Variants in RCBTB2 observed in about 807,000 individuals in gnomAD.
RCBTB2 encodes RCC1 and BTB domain containing protein 2, also known as RCC1 and BTB domain-containing protein 2.
In RCBTB2, 55 loss-of-function variants were observed where a neutral mutation model predicts 65.4. The observed-to-expected ratio is 0.84, with a 90% CI of 0.68 to 1.05. RCBTB2 has a LOEUF of 1.05. Among genes scored for constraint, RCBTB2 ranks in the 50% least tolerant of loss-of-function variants. RCBTB2 has a pLI of 0.00. For missense variants in RCBTB2, 599 were observed against 680.1 expected (o/e 0.88, Z 1.33); for synonymous variants, 220 against 255.2 (o/e 0.86, Z 1.31).
intron 1 of RCBTB2, among the ~76,000 whole-genome samples, chr13:48,530,152 G>A (rs771378802): frequency 5.0e-4 from 76 of 151,784 alleles, no homozygotes; most frequent in Non-Finnish European, 6.0e-4. Context: ...TGACTGCCTT[G>A]GTCTCCCCCA....
chr13:48,535,616 T>G (rs1297609866), upstream of RCBTB2: 2 of 455,114 alleles, frequency 4.4e-6, no homozygotes, highest in Non-Finnish European at 8.8e-6. Context: ...CCATTGAAAC[T>G]CCTCTTGGCA....
chr13:48,496,396 G>C, intron 13 of RCBTB2, 75 bp from the exon 14 acceptor site: 1 of 1,398,798 alleles, frequency 7.1e-7, no homozygotes, highest in Non-Finnish European at 9.5e-7. Context: ...CAGCCACTCA[G>C]AGATGATTTT....
chr13:48,531,154 C>G (rs780162843), intron 1 of RCBTB2, among the ~76,000 whole-genome samples: 5 of 152,122 alleles, frequency 3.3e-5, no homozygotes, highest in Non-Finnish European at 7.3e-5. Context: ...ATGTAAGCTC[C>G]AGAGGGAAGG....
chr13:48,512,703 A>G (rs746807066), intron 7 of RCBTB2, 26 bp downstream of exon 7: 6 of 1,599,346 alleles, frequency 3.8e-6, no homozygotes, highest in Non-Finnish European at 4.3e-6. Flanking sequence ...AAAAAAATCA[A>G]TGAGCTTTAT....
Position 48,512,149 on chromosome 13 carries a change from G to C in RCBTB2, c.542C>G (p.Ser181Cys), listed in dbSNP as rs765488210. ...GEVFAWGYNNSGQVGSGSTVN... is the reference protein window; with the variant it reads ...GEVFAWGYNNCGQVGSGSTVN... ...TGTTGATCCAGATCCTACCTGCCCA[G>C]AGTTATTATAACCCCAGGCAAATAC... Residue 181 changes from serine to cysteine, a missense_variant, in exon 8 of 15, where the codon TCT becomes TGT. Physicochemically the swap from Ser to Cys is moderately radical, Grantham distance 112. Transcript: ENST00000344532. 9 of 1,613,896 alleles carry C rather than the reference G, an allele frequency of 5.6e-6. No individual in the cohort carries two copies. Among genetic ancestry groups the C allele is most frequent in the Non-Finnish European group, 7.6e-6 (9 of 1,179,886 alleles).
At chr13:48,530,884 G>A (rs1952078623) in intron 1 of RCBTB2, among the ~76,000 whole-genome samples, 1 of 152,128 alleles carries the variant, frequency 6.6e-6, no homozygotes, top group Middle Eastern at 3.2e-3. Flanking sequence ...GGGTCATGCC[G>A]TGGGCTCCCA....
chr13:48,522,748 A>G (rs1242903851), intron 2 of RCBTB2, among the ~76,000 whole-genome samples: 2 of 152,234 alleles, frequency 1.3e-5, no homozygotes, highest in Non-Finnish European at 2.9e-5. Flanking sequence ...TGCTTTTTCT[A>G]ATTGACGAGG....
chr13:48,527,601 G>A lies in RCBTB2; in HGVS notation c.-218-2844C>T, dbSNP rs180963624. On this transcript the variant is annotated intron_variant, in intron 1 of 14. Transcript: ENST00000344532. ...TTTAAAGGTTCCAAATGGGACACTC[G>A]GTGGCCAGTAGTTCAAGTCTGTACA... Among the ~76,000 whole-genome samples the A allele has an allele frequency of 1.4e-3, 213 of 151,964 alleles. 1 individual carries two copies. The highest frequency in any genetic ancestry group is 2.6e-3 in the Non-Finnish European group (180 of 67,962).
At chr13:48,504,104 T>C in intron 10 of RCBTB2, 1 of 872,916 alleles carries the variant, frequency 1.1e-6, no homozygotes, top group African/African-American at 1.8e-5. Flanking sequence ...ATAACAAAGA[T>C]GCTTTCTTTG....
chr13:48,503,066 G>T (rs1295276663), intron 10 of RCBTB2, 152 bp from the exon 11 acceptor site: 1 of 784,568 alleles, frequency 1.3e-6, no homozygotes, highest in Non-Finnish European at 2.0e-6. Flanking sequence ...ACCACCACAT[G>T]ACTCATACAC....
At chr13:48,524,579 T>C (rs1277255730) in intron 2 of RCBTB2, 80 bp downstream of exon 2, 1 of 152,208 alleles carries the variant, frequency 6.6e-6, no homozygotes, top group African/African-American at 2.4e-5. Flanking sequence ...CTAGATACTT[T>C]AAGTTTTTCT....
chr13:48,492,622 T>G (rs1949744687), intron 14 of RCBTB2: 1 of 152,376 alleles, frequency 6.6e-6, no homozygotes, highest in African/African-American at 2.4e-5. Context: ...TCGTCAGTTC[T>G]CAGTCCTCGT....
At chr13:48,527,334 T>TG (rs1566336684) in intron 1 of RCBTB2, among the ~76,000 whole-genome samples, 10 of 130,216 alleles carry the variant, frequency 7.7e-5, no homozygotes, top group African/African-American at 4.0e-4. Flanking sequence ...TATATATATA[T>TG]ATGATATATA....
intron 10 of RCBTB2, among the ~76,000 whole-genome samples, chr13:48,506,130 G>A (rs1950492426): frequency 6.6e-6 from 1 of 152,200 alleles, no homozygotes. Flanking sequence ...CGTGGAATAA[G>A]AGTCTGTGAG....
At chr13:48,530,398 T>C (rs552192536) in intron 1 of RCBTB2, among the ~76,000 whole-genome samples, 4 of 152,254 alleles carry the variant, frequency 2.6e-5, no homozygotes, top group Admixed American at 1.3e-4. Context: ...TTGTAATCTA[T>C]GTAAGTAAAG....
chr13:48,520,183 A>G (rs1951340248), intron 4 of RCBTB2, among the ~76,000 whole-genome samples: 1 of 152,210 alleles, frequency 6.6e-6, no homozygotes, highest in Non-Finnish European at 1.5e-5. Flanking sequence ...AGCAATATAC[A>G]TTCTTCTGTC....
chr13:48,514,481 A>G (rs1950977319), intron 6 of RCBTB2, among the ~76,000 whole-genome samples: 1 of 152,244 alleles, frequency 6.6e-6, no homozygotes, highest in Non-Finnish European at 1.5e-5. Flanking sequence ...ACGGGAGACT[A>G]CTGTATATCT....
chr13:48,521,843 A>G, intron 4 of RCBTB2, 55 bp downstream of exon 4: 1 of 1,527,286 alleles, frequency 6.5e-7, no homozygotes, highest in Non-Finnish European at 9.1e-7. Flanking sequence ...TGCTTCATGA[A>G]GTATGTTTCA....
At chr13:48,514,221 A>G (rs976054832) in intron 6 of RCBTB2, among the ~76,000 whole-genome samples, 1 of 152,214 alleles carries the variant, frequency 6.6e-6, no homozygotes, top group Non-Finnish European at 1.5e-5. Context: ...TATGAAACCA[A>G]GAGAGTCAAT....
Sources: allele counts gnomAD v4.1 joint callset (sites outside exome capture counted in the v4.1 genomes callset), GRCh38; gene constraint gnomAD v4.1.1; transcripts MANE v1.5; gene names NCBI Gene and HGNC (gene_info 2026-07-23, HGNC 2026-07-21).